The following EYA3 variants were observed in gnomAD, a reference collection of about 807,000 sequenced individuals.
EYA3 encodes EYA transcriptional coactivator and phosphatase 3.
EYA3 carries 39 observed loss-of-function variants against 80.0 expected under a neutral mutation model. The ratio of observed to expected loss-of-function variants is 0.49; its 90% CI spans 0.38 to 0.64. The LOEUF (loss-of-function observed/expected upper bound fraction) is 0.64, where lower values mean the gene tolerates loss of function less well. Ranked by LOEUF, EYA3 falls within the 30% of genes least tolerant of loss-of-function variation. EYA3 has a pLI of 0.00. For missense variants in EYA3, 523 were observed against 676.1 expected (o/e 0.77, Z 2.51); for synonymous variants, 206 against 232.8 (o/e 0.88, Z 1.05).
At chr1:28,025,397 C>A (rs1642714549) in intron 7 of EYA3, among the ~76,000 whole-genome samples, 2 of 152,170 alleles carry the variant, frequency 1.3e-5, no homozygotes, top group South Asian at 4.1e-4. Flanking sequence ...GACCTCAATA[C>A]TGAAAAGCAT....
chr1:28,000,088 TCA>T, intron 11 of EYA3, 39 bp from the exon 12 acceptor site: 1 of 1,452,484 alleles, frequency 6.9e-7, no homozygotes, highest in Non-Finnish European at 9.5e-7. Context: ...GACTTGGTAG[TCA>T]CAGTCCTGGT....
At chr1:28,019,176 A>T (rs961124253) in intron 7 of EYA3, among the ~76,000 whole-genome samples, 7 of 152,050 alleles carry the variant, frequency 4.6e-5, no homozygotes, top group Non-Finnish European at 2.9e-5. Flanking sequence ...AAAATAAATT[A>T]AAAAAAATTA....
intron 1 of EYA3, among the ~76,000 whole-genome samples, chr1:28,072,874 CCATA>C (rs1645063070): frequency 6.6e-6 from 1 of 151,436 alleles, no homozygotes; most frequent in African/African-American, 2.4e-5. Context: ...TGCAGTATAC[CCATA>C]CAATGGAATA....
At chr1:28,076,395 G>T (rs1557650239) in intron 1 of EYA3, among the ~76,000 whole-genome samples, 1 of 151,814 alleles carries the variant, frequency 6.6e-6, no homozygotes, top group Admixed American at 6.6e-5. Context: ...ATTCTTAATA[G>T]AAAAAAATAC....
intron 15 of EYA3, 77 bp downstream of exon 15, chr1:27,989,620 A>C: frequency 3.1e-5 from 28 of 901,092 alleles, no homozygotes; most frequent in Non-Finnish European, 4.4e-5. Flanking sequence ...ACCCTATTTT[A>C]GAGAATGGCT....
rs534020169 is a variant in EYA3, at chr1:28,079,047, T to G, written c.-69+9477A>C. Among the ~76,000 whole-genome samples the G allele has an allele frequency of 1.1e-4, 17 of 152,346 alleles. No homozygotes were observed. The South Asian group carries it at 1.7e-3, about 15-fold the overall frequency. ...AGAACATACGAGAAGATGGCAAGTC[T>G]TCTTCTTTATCCTTTACCATTCTCA... On this transcript the variant is annotated intron_variant, in intron 1 of 17. Coordinates refer to ENST00000373871, the MANE Select transcript of EYA3 (RefSeq NM_001990.4).
chr1:27,984,675 C>T (rs1639532717), intron 16 of EYA3, among the ~76,000 whole-genome samples: 1 of 152,146 alleles, frequency 6.6e-6, no homozygotes. Flanking sequence ...CTTGGCGTTG[C>T]CTAGCACACA....
chr1:27,998,764 C>A (rs1640628424), intron 12 of EYA3, among the ~76,000 whole-genome samples: 1 of 151,254 alleles, frequency 6.6e-6, no homozygotes, highest in Non-Finnish European at 1.5e-5. Context: ...TTATAAAATA[C>A]TATCTTTTTA....
rs143432724 is a variant in EYA3, at chr1:28,018,332, T to C, written c.500-1093A>G. The stretch of plus-strand genomic sequence containing the variant: ...TCATAGGTTCATTCTACTAGGGTTT[T>C]AATCAAAATCTCAATGACTAGCACT... On this transcript the variant is annotated intron_variant, in intron 7 of 17. Coordinates refer to ENST00000373871, the MANE Select transcript of EYA3 (RefSeq NM_001990.4). Among the ~76,000 whole-genome samples, 700 of 152,356 alleles carry C rather than the reference T, an allele frequency of 4.6e-3. 5 individuals carry two copies. The highest frequency in any genetic ancestry group is 0.016 in the African/African-American group (670 of 41,584).
At chr1:28,049,215 G>A (rs912211492) in intron 2 of EYA3, among the ~76,000 whole-genome samples, 3 of 152,072 alleles carry the variant, frequency 2.0e-5, no homozygotes, top group Non-Finnish European at 4.4e-5. Context: ...ATATTACATT[G>A]ACTATTTCAG....
chr1:28,062,657 GGTGTGTGT>G (rs71027260), intron 1 of EYA3, among the ~76,000 whole-genome samples: 32 of 141,626 alleles, frequency 2.3e-4, no homozygotes, highest in Admixed American at 5.0e-4. Context: ...AATATATGTA[GGTGTGTGT>G]GTGTGTGTGT....
At chr1:27,995,421 GAAA>G (rs55902170) in intron 13 of EYA3, among the ~76,000 whole-genome samples, 6 of 79,186 alleles carry the variant, frequency 7.6e-5, no homozygotes, top group Non-Finnish European at 1.0e-4. Flanking sequence ...ATCTTAAAAG[GAAA>G]AAAAAAAAAA....
In EYA3 at chr1:28,066,402, C is replaced by A. The variant is rs185551208; in HGVS notation, c.-68-8308G>T. Among the ~76,000 whole-genome samples the A allele has an allele frequency of 4.6e-3, 698 of 151,394 alleles. 5 individuals carry two copies. Among genetic ancestry groups the A allele is most frequent in the African/African-American group, 0.016 (666 of 41,222 alleles). On this transcript the variant is annotated intron_variant, in intron 1 of 17. Coordinates refer to ENST00000373871, the MANE Select transcript of EYA3 (RefSeq NM_001990.4). The stretch of plus-strand genomic sequence containing the variant: ...TTTACAATAAAAAATACAAAAAAAA[C>A]CCTAAGAGATTAGAAATGCCAAAAA...
At chr1:27,991,616 CA>C in intron 14 of EYA3, among the ~76,000 whole-genome samples, 1 of 152,252 alleles carries the variant, frequency 6.6e-6, no homozygotes, top group Admixed American at 6.5e-5. Flanking sequence ...AATTTGTTTT[CA>C]GATTGATGGT....
chr1:28,050,187 A>ATTTTTTTTTTTTTTTT (rs1557617106), intron 2 of EYA3, among the ~76,000 whole-genome samples: 1 of 127,938 alleles, frequency 7.8e-6, no homozygotes, highest in Non-Finnish European at 1.7e-5. Context: ...TATTATTATT[A>ATTTTTTTTTTTTTTTT]TTATTATTAT....
chr1:28,046,459 C>G (rs1644008486), intron 3 of EYA3, among the ~76,000 whole-genome samples: 1 of 151,802 alleles, frequency 6.6e-6, no homozygotes, highest in African/African-American at 2.4e-5. Context: ...CCTAATCTCT[C>G]TTTGAACTAG....
intron 11 of EYA3, among the ~76,000 whole-genome samples, chr1:28,000,321 CT>C (rs911573180): frequency 6.7e-6 from 1 of 148,442 alleles, no homozygotes; most frequent in Non-Finnish European, 1.5e-5. Context: ...TTTTTTTTTT[CT>C]TTTTTTTTGA....
At chr1:28,064,378 C>CTCTCTA (rs1374429013) in intron 1 of EYA3, among the ~76,000 whole-genome samples, 11 of 136,340 alleles carry the variant, frequency 8.1e-5, no homozygotes, top group African/African-American at 3.2e-4. Context: ...CTCTCTCTCT[C>CTCTCTA]TATATATATA....
chr1:28,000,310 ATTTT>A (rs577325605), intron 11 of EYA3, among the ~76,000 whole-genome samples: 8 of 149,962 alleles, frequency 5.3e-5, no homozygotes, highest in African/African-American at 2.0e-4. Flanking sequence ...AGAAAATATG[ATTTT>A]TTTTTTCTTT....
Sources: allele counts gnomAD v4.1 joint callset (sites outside exome capture counted in the v4.1 genomes callset), GRCh38; gene constraint gnomAD v4.1.1; transcripts MANE v1.5; gene names NCBI Gene and HGNC (gene_info 2026-07-23, HGNC 2026-07-21).